SLC44A2: variants seen among roughly 807,000 people sequenced by gnomAD.
SLC44A2 encodes choline transporter-like protein 2.
In SLC44A2, 57 loss-of-function variants were observed where a neutral mutation model predicts 90.8. That is an observed-to-expected ratio of 0.63 (90% CI 0.51 to 0.78). The LOEUF is 0.78. SLC44A2 is among the 30% of genes least tolerant of loss of function. SLC44A2 has a pLI of 0.00. For missense variants in SLC44A2, 794 were observed against 919.7 expected (o/e 0.86, Z 1.77); for synonymous variants, 355 against 360.7 (o/e 0.98, Z 0.18).
upstream of SLC44A2, among the ~76,000 whole-genome samples, chr19:10,623,156 G>GCT (rs1479996773): frequency 6.6e-6 from 1 of 152,024 alleles, no homozygotes; most frequent in Non-Finnish European, 1.5e-5. Flanking sequence ...GGTGGGACCA[G>GCT]CCAGCCTTTG....
In SLC44A2 at chr19:10,636,453, G is replaced by C. The variant is rs754289047; in HGVS notation, c.1364G>C (p.Trp455Ser). The change falls in exon 15 of 22, where the codon TGG (tryptophan) becomes TCG (serine). Residue 455 changes from tryptophan to serine, a missense_variant. Around this residue, in one of 3 missense-constraint regions of SLC44A2, gnomAD observed 738 missense variants for 841.1 expected, o/e 0.88. Coordinates refer to ENST00000335757, the MANE Select transcript of SLC44A2 (RefSeq NM_020428.4). Reference sequence around the variant, plus strand: ...ATCTTCAATGCCTTCATGTTCTTCTGGTTGGCCAACTTCGTGCTGGCGCTG... The same window carrying C: ...ATCTTCAATGCCTTCATGTTCTTCTCGTTGGCCAACTTCGTGCTGGCGCTG... ...LQIFNAFMFF[W>S]LANFVLALGQ... 6.2e-7 allele frequency: 1 copy of C among 1,613,950 alleles called. No homozygotes were observed. The highest frequency in any genetic ancestry group is 8.5e-7 in the Non-Finnish European group (1 of 1,180,034).
intron 1 of SLC44A2, among the ~76,000 whole-genome samples, chr19:10,608,021 A>G (rs1293115750): frequency 1.3e-5 from 2 of 151,798 alleles, no homozygotes; most frequent in East Asian, 3.9e-4. Context: ...TGCTGGGATT[A>G]CAGGTGTGAG....
chr19:10,624,240 C>A (rs1599239819), upstream of SLC44A2, among the ~76,000 whole-genome samples: 1 of 152,078 alleles, frequency 6.6e-6, no homozygotes, highest in Non-Finnish European at 1.5e-5. Flanking sequence ...TCATGATCCG[C>A]CCACCTCGGC....
intron 1 of SLC44A2, among the ~76,000 whole-genome samples, chr19:10,614,979 A>G (rs957720881): frequency 6.6e-6 from 1 of 151,186 alleles, no homozygotes; most frequent in African/African-American, 2.4e-5. Flanking sequence ...TCAAAAAAAA[A>G]AAAAAAAAAG....
chr19:10,617,834 G>A (rs912657295), intron 1 of SLC44A2, among the ~76,000 whole-genome samples: 1 of 152,100 alleles, frequency 6.6e-6, no homozygotes, highest in Non-Finnish European at 1.5e-5. Flanking sequence ...CTATGCAGCC[G>A]CTCACCCTCT....
At chr19:10,625,367 G>T, upstream of SLC44A2, 1 of 879,798 alleles carries the variant, frequency 1.1e-6, no homozygotes, top group Non-Finnish European at 1.5e-6. Flanking sequence ...GAAGCCGCAG[G>T]GTTCCCGGGT....
Position 10,634,448 on chromosome 19 carries a change from G to A in SLC44A2, c.824-308G>A, listed in dbSNP as rs929552629. 5.8e-4 allele frequency among the ~76,000 whole-genome samples: 87 copies of A among 148,826 alleles called. 2 individuals carry two copies. Among genetic ancestry groups the A allele is most frequent in the African/African-American group, 2.1e-3 (86 of 40,134 alleles). Reference sequence around the variant, plus strand: ...CATTGAACTCCAGCCTGGGCAACAAGAGTGAAACTCCGTCTCAAAAAAAAA... The same window carrying A: ...CATTGAACTCCAGCCTGGGCAACAAAAGTGAAACTCCGTCTCAAAAAAAAA... On this transcript the variant is annotated intron_variant, in intron 10 of 21. Transcript: ENST00000335757.
At chr19:10,630,507 A>G (rs989704002) in intron 4 of SLC44A2, among the ~76,000 whole-genome samples, 6 of 151,564 alleles carry the variant, frequency 4.0e-5, no homozygotes, top group Non-Finnish European at 7.4e-5. Context: ...AAATACAAAA[A>G]TTAGCTGGGC....
chr19:10,642,928 G>A (rs1332286469), intron 21 of SLC44A2: 2 of 1,594,692 alleles, frequency 1.3e-6, no homozygotes, highest in East Asian at 2.2e-5. Context: ...ACGGCTCTCA[G>A]GAGCGACCCT....
chr19:10,635,775 T>G, intron 14 of SLC44A2: 1 of 163,278 alleles, frequency 6.1e-6, no homozygotes, highest in Non-Finnish European at 1.3e-5. Context: ...CCTACTTCCT[T>G]TTTTTTTTTT....
chr19:10,643,274 C>T lies in SLC44A2; in HGVS notation c.2015-5C>T. The stretch of plus-strand genomic sequence containing the variant: ...TGCCTCCTGCTCTGGGACCTCTCTC[C>T]ACAGTGGAGGACCTGGAGAGGAATG... On this transcript the variant is annotated splice_polypyrimidine_tract_variant and splice_region_variant and intron_variant, in intron 21 of 21. Transcript: ENST00000335757. 1 of 1,608,770 alleles carries T rather than the reference C, an allele frequency of 6.2e-7. No homozygotes were observed. Among genetic ancestry groups the T allele is most frequent in the South Asian group, 1.1e-5 (1 of 90,150 alleles).
rs371806279 is a variant in SLC44A2 at position 10,637,761 on chromosome 19, G to A, written c.1695+14G>A. 4 of 1,613,396 alleles carry A rather than the reference G, an allele frequency of 2.5e-6. No homozygotes were observed. In the East Asian group the frequency reaches 8.9e-5, roughly 36 times the overall value. On this transcript the variant is annotated intron_variant, in intron 17 of 21. Coordinates refer to ENST00000335757, the MANE Select transcript of SLC44A2 (RefSeq NM_020428.4). ...GCCTACATCATGGTGAGTGGGCCTGGGACCCCCAACCAACCCGCCAGCTCC... is the reference window on the plus strand; with the variant it reads ...GCCTACATCATGGTGAGTGGGCCTGAGACCCCCAACCAACCCGCCAGCTCC...
At chr19:10,637,785 C>G (rs751524867) in intron 17 of SLC44A2, 38 bp downstream of exon 17, 3 of 1,612,426 alleles carry the variant, frequency 1.9e-6, no homozygotes, top group Non-Finnish European at 1.7e-6. Flanking sequence ...CCCGCCAGCT[C>G]CTGCTGGGTG....
chr19:10,610,153 G>T (rs1918242322), intron 1 of SLC44A2, among the ~76,000 whole-genome samples: 1 of 151,348 alleles, frequency 6.6e-6, no homozygotes, highest in South Asian at 2.1e-4. Flanking sequence ...TTTTTGTAAG[G>T]CTAGTGGGCT....
At position 10,643,492 on chromosome 19, in the gene SLC44A2, C is replaced by T. The variant is rs988765785; in HGVS notation, c.*107C>T. 4 of 1,296,668 alleles carry T rather than the reference C, an allele frequency of 3.1e-6. No homozygotes were observed. Among genetic ancestry groups the T allele is most frequent in the Admixed American group, 2.4e-5 (1 of 41,890 alleles). 80.3% of individuals were successfully genotyped at this position (1,296,668 alleles called of 1,614,324 possible). A position where few individuals can be genotyped will look rare whatever the true frequency, so the allele number is the denominator to read the frequency against. ...CTCACCTGAAGTCCTATCACTGCCG[C>T]TCTGCCCCTCCCCATGAGCCAGATC... On this transcript the variant is annotated 3_prime_UTR_variant, in exon 22 of 22. Transcript: ENST00000335757.
chr19:10,603,398 G>A (rs1325296898), intron 1 of SLC44A2, among the ~76,000 whole-genome samples: 2 of 152,128 alleles, frequency 1.3e-5, no homozygotes, highest in African/African-American at 4.8e-5. Flanking sequence ...CCAGCCCCAC[G>A]TGATACTACC....
At chr19:10,626,232 C>T in intron 1 of SLC44A2, 21 bp from the exon 2 acceptor site, 1 of 1,608,030 alleles carries the variant, frequency 6.2e-7, no homozygotes, top group South Asian at 1.1e-5. Context: ...TCCCATCCAT[C>T]TTAATCTTCT....
intron 20 of SLC44A2, among the ~76,000 whole-genome samples, chr19:10,641,657 G>A (rs2067117433): frequency 6.6e-6 from 1 of 151,868 alleles, no homozygotes; most frequent in Non-Finnish European, 1.5e-5. Flanking sequence ...TGGGTAATGG[G>A]TAACGTGGCA....
intron 10 of SLC44A2, among the ~76,000 whole-genome samples, chr19:10,632,673 CTTTCT>C (rs947529289): frequency 4.2e-4 from 33 of 78,136 alleles, no homozygotes; most frequent in African/African-American, 1.9e-3. Flanking sequence ...GCTTCAATTT[CTTTCT>C]TTTTTTTTTT....
Sources: gnomAD v4.1 joint callset for allele counts (sites outside exome capture counted in the v4.1 genomes callset) on GRCh38, gnomAD v4.1.1 for gene constraint, gnomAD v4.1.1 regional missense constraint, MANE v1.5 for transcripts, NCBI Gene and HGNC (gene_info 2026-07-23, HGNC 2026-07-21) for gene names.